The following CCSER2 variants were observed in gnomAD, a reference collection of about 807,000 sequenced individuals.
CCSER2 encodes the protein coiled-coil serine rich protein 2.
Under a neutral mutation model 92.3 loss-of-function variants are expected in CCSER2, and 46 were observed. That is an observed-to-expected ratio of 0.50 (90% CI 0.39 to 0.64). The LOEUF is 0.64. Ranked by LOEUF, CCSER2 falls within the 30% of genes least tolerant of loss-of-function variation. CCSER2 has a pLI of 0.00. For missense variants in CCSER2, 1,244 were observed against 1,238.9 expected, an observed-to-expected ratio of 1.00 and a Z score of -0.06; for synonymous variants, 433 against 431.4, an observed-to-expected ratio of 1.00 and a Z score of -0.04.
At chr10:84,428,434 G>T (rs548577407) in intron 5 of CCSER2, among the ~76,000 whole-genome samples, 1 of 152,268 alleles carries the variant, frequency 6.6e-6, no homozygotes, top group East Asian at 1.9e-4. Flanking sequence ...TTACATGCAT[G>T]CCCTCTGCTT....
chr10:84,377,848 T>C (rs1202550104), intron 3 of CCSER2, among the ~76,000 whole-genome samples: 6 of 152,314 alleles, frequency 3.9e-5, no homozygotes, highest in African/African-American at 1.4e-4. Context: ...CTGTAAGTGG[T>C]ACCATTTTTA....
chr10:84,489,630 T>C (rs1848027853), intron 9 of CCSER2, among the ~76,000 whole-genome samples: 1 of 152,230 alleles, frequency 6.6e-6, no homozygotes, highest in Non-Finnish European at 1.5e-5. Flanking sequence ...AGCCCATGTG[T>C]GTCTCTGCAC....
chr10:84,454,319 C>T (rs1845474733), intron 6 of CCSER2, among the ~76,000 whole-genome samples: 1 of 152,126 alleles, frequency 6.6e-6, no homozygotes, highest in African/African-American at 2.4e-5. Flanking sequence ...TTATGACCCA[C>T]CCTAATCCCG....
intron 1 of CCSER2, among the ~76,000 whole-genome samples, chr10:84,357,035 A>C (rs1483808431): frequency 6.6e-6 from 1 of 152,230 alleles, no homozygotes; most frequent in Middle Eastern, 3.2e-3. Flanking sequence ...CTGAGGCAGC[A>C]GATGATTGAA....
At chr10:84,333,416 A>T (rs1382617871) in intron 1 of CCSER2, among the ~76,000 whole-genome samples, 1 of 152,218 alleles carries the variant, frequency 6.6e-6, no homozygotes, top group Admixed American at 6.5e-5. Flanking sequence ...ATATGAAAAT[A>T]TAGAGACTGT....
chr10:84,414,934 A>C (rs749077772), intron 3 of CCSER2, among the ~76,000 whole-genome samples: 7 of 151,978 alleles, frequency 4.6e-5, no homozygotes, highest in African/African-American at 1.7e-4. Context: ...TACTTAGTCT[A>C]TTCTGCTATT....
chr10:84,513,196 A>G (rs1849455079), intron 9 of CCSER2, among the ~76,000 whole-genome samples: 1 of 152,044 alleles, frequency 6.6e-6, no homozygotes, highest in African/African-American at 2.4e-5. Flanking sequence ...TAGTACTTTA[A>G]TGTTTTCTTT....
intron 9 of CCSER2, among the ~76,000 whole-genome samples, chr10:84,502,867 G>A (rs1848837999): frequency 6.6e-6 from 1 of 152,242 alleles, no homozygotes; most frequent in East Asian, 1.9e-4. Flanking sequence ...TTTACAGGGA[G>A]TATTTAGCCC....
At chr10:84,391,247 C>T in intron 3 of CCSER2, 1 of 1,376,066 alleles carries the variant, frequency 7.3e-7, no homozygotes, top group Non-Finnish European at 1.0e-6. Context: ...CCAAGCCATG[C>T]TAAACAATGC....
chr10:84,382,159 T>G (rs897662140), intron 3 of CCSER2, among the ~76,000 whole-genome samples: 5 of 152,190 alleles, frequency 3.3e-5, no homozygotes, highest in African/African-American at 4.8e-5. Flanking sequence ...TTTGACTCCT[T>G]TTAGTGAATT....
intron 1 of CCSER2, among the ~76,000 whole-genome samples, chr10:84,350,359 T>C (rs539406190): frequency 3.3e-5 from 5 of 151,460 alleles, no homozygotes; most frequent in South Asian, 2.1e-4. Context: ...ATAGCACTTA[T>C]GATTTGTAAT....
At chr10:84,423,086 G>T (rs546388850) in intron 4 of CCSER2, among the ~76,000 whole-genome samples, 1 of 151,306 alleles carries the variant, frequency 6.6e-6, no homozygotes, top group East Asian at 1.9e-4. Flanking sequence ...TCTGGAAACC[G>T]AATTTGTCTC....
At chr10:84,488,167 T>A (rs1164021147) in intron 9 of CCSER2, among the ~76,000 whole-genome samples, 2 of 152,224 alleles carry the variant, frequency 1.3e-5, no homozygotes, top group African/African-American at 2.4e-5. Flanking sequence ...GATTTTTGCA[T>A]CGATGTTCAT....
intron 3 of CCSER2, among the ~76,000 whole-genome samples, chr10:84,374,290 T>C (rs2133182755): frequency 6.6e-6 from 1 of 152,286 alleles, no homozygotes; most frequent in South Asian, 2.1e-4. Context: ...TGTGCTATAC[T>C]GAGGTAACAT....
At chr10:84,348,848 C>A (rs1344798368) in intron 1 of CCSER2, among the ~76,000 whole-genome samples, 13 of 151,754 alleles carry the variant, frequency 8.6e-5, no homozygotes, top group Admixed American at 7.9e-4. Flanking sequence ...ATGTTTTTTG[C>A]CATTTTCTTA....
At chr10:84,332,116 T>C (rs75275303) in intron 1 of CCSER2, among the ~76,000 whole-genome samples, 3,262 of 152,244 alleles carry the variant, frequency 0.021, 91 homozygotes, top group Admixed American at 0.074. Context: ...CAGTAGAGTT[T>C]GGTTGACCAT....
At chr10:84,390,110 A>G (rs576078644) in intron 3 of CCSER2, among the ~76,000 whole-genome samples, 5 of 152,168 alleles carry the variant, frequency 3.3e-5, no homozygotes, top group African/African-American at 7.2e-5. Context: ...ACATGTATCA[A>G]TATTTATGTC....
At chr10:84,405,845 T>C (rs1489071821) in intron 3 of CCSER2, among the ~76,000 whole-genome samples, 1 of 152,148 alleles carries the variant, frequency 6.6e-6, no homozygotes, top group African/African-American at 2.4e-5. Context: ...TCATTGCTGA[T>C]TGATATGTGG....
intron 6 of CCSER2, among the ~76,000 whole-genome samples, chr10:84,462,692 G>A (rs961808865): frequency 1.3e-5 from 2 of 152,128 alleles, no homozygotes; most frequent in African/African-American, 4.8e-5. Context: ...TGGAAATTTG[G>A]CAAACACTTA....
Sources: gnomAD v4.1 joint callset for allele counts (sites outside exome capture counted in the v4.1 genomes callset) on GRCh38, gnomAD v4.1.1 for gene constraint, MANE v1.5 for transcripts, NCBI Gene and HGNC (gene_info 2026-07-23, HGNC 2026-07-21) for gene names.